SEM1: variants seen among roughly 807,000 people sequenced by gnomAD.
The protein encoded by SEM1 is SEM1 26S proteasome subunit, also known as 26S proteasome complex subunit SEM1.
A neutral mutation model predicts 12.7 loss-of-function variants in SEM1; 3 were observed. The observed-to-expected ratio is 0.24, with a 90% confidence interval of 0.11 to 0.61. SEM1 has a LOEUF of 0.61. SEM1 is among the 20% of genes least tolerant of loss of function. The pLI is 0.88. For missense variants in SEM1, 59 were observed against 81.3 expected (o/e 0.73, Z 1.06); for synonymous variants, 30 against 27.8 (o/e 1.08, Z -0.25).
rs73394845 is a variant in SEM1 at position 96,702,393 on chromosome 7, T to C, written c.76+7295A>G. Among the ~76,000 whole-genome samples, 397 of 152,278 alleles carry C rather than the reference T, an allele frequency of 2.6e-3. 2 individuals carry two copies. Among genetic ancestry groups the C allele is most frequent in the Middle Eastern group, 6.8e-3 (2 of 294 alleles). On this transcript the variant is annotated intron_variant, in intron 1 of 2. Transcript: ENST00000248566. ...CATTCTCCACTAAAAAGAAATCACA[T>C]TGGAGCAACGGCTGATTTCACATAT...
Position 96,533,351 on chromosome 7 carries a change from C to T in SEM1, c.171-26653G>A, listed in dbSNP as rs1323934427. Among the ~76,000 whole-genome samples the T allele has an allele frequency of 3.3e-5, 5 of 152,196 alleles. No homozygotes were observed. In the East Asian group the frequency reaches 9.7e-4, roughly 30 times the overall value. On this transcript the variant is annotated intron_variant and NMD_transcript_variant, in intron 2 of 3. Transcript: ENST00000466986. ...TTCTCCTCCCACCGTCTCCATCAAT[C>T]TAGAGTCATCAAAGATGATCATTAC...
intron 2 of SEM1, among the ~76,000 whole-genome samples, chr7:96,604,593 A>G (rs1279595882): frequency 1.3e-5 from 2 of 152,016 alleles, no homozygotes; most frequent in African/African-American, 4.8e-5. Flanking sequence ...CATCTAGTGT[A>G]TGGTGAATAT....
intron 2 of SEM1, among the ~76,000 whole-genome samples, chr7:96,648,879 T>G (rs890269197): frequency 3.9e-5 from 6 of 152,206 alleles, no homozygotes; most frequent in African/African-American, 9.6e-5. Flanking sequence ...CTGAAGCATA[T>G]ATCAGCTGTC....
intron 2 of SEM1, among the ~76,000 whole-genome samples, chr7:96,607,438 A>G (rs1366405374): frequency 6.6e-6 from 1 of 152,240 alleles, no homozygotes; most frequent in East Asian, 1.9e-4. Context: ...AAAAAAGGAA[A>G]TAGACTGTTC....
At chr7:96,627,234 A>G (rs1190792723) in intron 2 of SEM1, among the ~76,000 whole-genome samples, 1 of 151,138 alleles carries the variant, frequency 6.6e-6, no homozygotes, top group Non-Finnish European at 1.5e-5. Context: ...GATCTTTTGT[A>G]TTGTTTCCTT....
intron 1 of SEM1, chr7:96,696,912 C>T (rs1214136229): frequency 6.6e-6 from 1 of 152,020 alleles, no homozygotes; most frequent in Admixed American, 6.6e-5. Flanking sequence ...ACTACACTGA[C>T]AACCAAGCAA....
intron 2 of SEM1, among the ~76,000 whole-genome samples, chr7:96,555,934 C>T (rs866743706): frequency 0.022 from 3,132 of 139,846 alleles, no homozygotes; most frequent in Admixed American, 0.092. Flanking sequence ...GATCCCTTTA[C>T]CATTATGTAA....
Position 96,691,039 on chromosome 7 carries a change from G to A in SEM1, c.171-2073C>T, listed in dbSNP as rs563654877. 4.6e-5 allele frequency among the ~76,000 whole-genome samples: 7 copies of A among 152,240 alleles called. No homozygotes were observed. The East Asian group carries it at 1.4e-3, about 29-fold the overall frequency. On this transcript the variant is annotated intron_variant, in intron 2 of 2. Transcript: ENST00000248566. Reference sequence around the variant, plus strand: ...ACCGGCCTCGGCCTCCCAAAGTGCTGGGGTTACAGGTGTGAGCCACTGCGC... The same window carrying A: ...ACCGGCCTCGGCCTCCCAAAGTGCTAGGGTTACAGGTGTGAGCCACTGCGC...
At chr7:96,501,201 T>A (rs1803525387), upstream of SEM1, among the ~76,000 whole-genome samples, 1 of 152,102 alleles carries the variant, frequency 6.6e-6, no homozygotes, top group African/African-American at 2.4e-5. Flanking sequence ...CTTTTCTCCA[T>A]CCTGCCTTGC....
In SEM1 at chr7:96,656,874, T is replaced by C. The variant is rs202218523; in HGVS notation, c.171-34231A>G. On this transcript the variant is annotated intron_variant, in intron 2 of 2. Coordinates refer to the SEM1 transcript ENST00000417009. The stretch of plus-strand genomic sequence containing the variant: ...TTAAATATATATATATATATATATA[T>C]ATACACACACACACATATGTATATA... Among the ~76,000 whole-genome samples, 318 of 110,316 alleles carry C rather than the reference T, an allele frequency of 2.9e-3. 5 individuals carry two copies. Among genetic ancestry groups the C allele is most frequent in the Admixed American group, 0.016 (171 of 10,756 alleles). The allele number at this position is 110,316 out of a possible 152,430, so 72.4% of individuals were successfully genotyped here.
In SEM1 at chr7:96,545,126, A is replaced by G. The variant is rs1005042057; in HGVS notation, c.171-38428T>C. Among the ~76,000 whole-genome samples, 5 of 152,016 alleles carry G rather than the reference A, an allele frequency of 3.3e-5. No individual in the cohort carries two copies. In the South Asian group the frequency reaches 8.3e-4, roughly 25 times the overall value. On this transcript the variant is annotated intron_variant and NMD_transcript_variant, in intron 2 of 3. Coordinates refer to the SEM1 transcript ENST00000466986. Reference sequence around the variant, plus strand: ...GGATTTGAGGAGAATCAGGAAGTGGATGCACCCCTTTTTAGGTTCTTCCAC... The same window carrying G: ...GGATTTGAGGAGAATCAGGAAGTGGGTGCACCCCTTTTTAGGTTCTTCCAC...
intron 2 of SEM1, among the ~76,000 whole-genome samples, chr7:96,682,864 A>G (rs1789655238): frequency 6.6e-6 from 1 of 152,134 alleles, no homozygotes; most frequent in African/African-American, 2.4e-5. Context: ...TACAAGAAAA[A>G]AACAAACAGC....
chr7:96,693,760 TTGTGTGTGTG>T (rs566641071), intron 2 of SEM1, among the ~76,000 whole-genome samples: 26 of 139,568 alleles, frequency 1.9e-4, no homozygotes, highest in Admixed American at 7.3e-5. Flanking sequence ...ACAATTCCAC[TTGTGTGTGTG>T]TGTGTGTGTG....
chr7:96,509,609 A>T (rs1321544684), intron 2 of SEM1, among the ~76,000 whole-genome samples: 1 of 152,126 alleles, frequency 6.6e-6, no homozygotes, highest in African/African-American at 2.4e-5. Flanking sequence ...TCATAGCAGC[A>T]TTATTCACAG....
intron 2 of SEM1, among the ~76,000 whole-genome samples, chr7:96,616,033 A>C (rs1457084482): frequency 6.6e-6 from 1 of 152,154 alleles, no homozygotes; most frequent in Non-Finnish European, 1.5e-5. Flanking sequence ...TTTTGATATA[A>C]TTTCTTTCCC....
chr7:96,521,051 G>T (rs1804252263), intron 2 of SEM1, among the ~76,000 whole-genome samples: 1 of 152,034 alleles, frequency 6.6e-6, no homozygotes, highest in Admixed American at 6.6e-5. Context: ...AAAAAAAAGG[G>T]GACGGACATT....
At chr7:96,482,993 G>T (rs1802605979) in exon 4 of SEM1, 1 of 152,128 alleles carries the variant, frequency 6.6e-6, no homozygotes, top group Non-Finnish European at 1.5e-5. Context: ...CAAATTTACA[G>T]CAGAAAGTTG....
intron 1 of SEM1, among the ~76,000 whole-genome samples, chr7:96,494,893 A>G (rs1481177855): frequency 4.7e-4 from 46 of 98,626 alleles, no homozygotes; most frequent in African/African-American, 6.9e-4. Context: ...GAAGGGGGTG[A>G]AGAGAGAGCA....
At chr7:96,698,026 CT>C (rs1244138175) in intron 1 of SEM1, among the ~76,000 whole-genome samples, 1 of 152,112 alleles carries the variant, frequency 6.6e-6, no homozygotes, top group Non-Finnish European at 1.5e-5. Context: ...TAGTGGAGAA[CT>C]TCAAACAAAA....
Sources: gnomAD v4.1 joint callset for allele counts (sites outside exome capture counted in the v4.1 genomes callset) on GRCh38, gnomAD v4.1.1 for gene constraint, MANE v1.5 for transcripts, NCBI Gene and HGNC (gene_info 2026-07-23, HGNC 2026-07-21) for gene names.